TRIM37: variants seen among roughly 807,000 people sequenced by gnomAD.
The protein encoded by TRIM37 is tripartite motif containing 37.
Under a neutral mutation model 129.8 loss-of-function variants are expected in TRIM37, and 80 were observed. That is an observed-to-expected ratio of 0.62 (90% CI 0.51 to 0.74). The LOEUF (loss-of-function observed/expected upper bound fraction) is 0.74. Among genes scored for constraint, TRIM37 ranks in the 30% least tolerant of loss-of-function variants. The pLI, the probability that TRIM37 is intolerant of heterozygous loss-of-function variation, is 0.00. For synonymous variants in TRIM37, 389 were observed against 387.1 expected, an observed-to-expected ratio of 1.00 and a Z score of -0.06; for missense variants, 1,054 against 1,176.5, an observed-to-expected ratio of 0.90 and a Z score of 1.52.
At chr17:59,080,245 T>G (rs985020374) in intron 6 of TRIM37, among the ~76,000 whole-genome samples, 6 of 152,224 alleles carry the variant, frequency 3.9e-5, no homozygotes, top group African/African-American at 1.4e-4. Context: ...AAAACATGCT[T>G]AGTATTTCAT....
chr17:59,101,829 C>A (rs979462396), intron 2 of TRIM37, among the ~76,000 whole-genome samples: 3 of 150,040 alleles, frequency 2.0e-5, no homozygotes, highest in Non-Finnish European at 1.5e-5. Context: ...CTCCCAGCAA[C>A]TTGAGAGGCT....
intron 17 of TRIM37, among the ~76,000 whole-genome samples, chr17:59,038,158 C>T (rs924980114): frequency 1.3e-5 from 2 of 152,118 alleles, no homozygotes; most frequent in African/African-American, 4.8e-5. Flanking sequence ...AAAGTTGTTT[C>T]CCCCTTTTGA....
At chr17:59,081,654 T>C (rs1022557354) in intron 5 of TRIM37, among the ~76,000 whole-genome samples, 6 of 152,060 alleles carry the variant, frequency 3.9e-5, no homozygotes, top group African/African-American at 1.4e-4. Context: ...ATGCCTCTAA[T>C]CCCAGTACTT....
intron 2 of TRIM37, among the ~76,000 whole-genome samples, chr17:59,100,044 C>G (rs1286727054): frequency 6.6e-6 from 1 of 152,114 alleles, no homozygotes; most frequent in African/African-American, 2.4e-5. Context: ...TCAGGTGATC[C>G]ATCCACTTCG....
chr17:58,990,914 G>A (rs936723063), intron 24 of TRIM37, among the ~76,000 whole-genome samples: 1 of 148,382 alleles, frequency 6.7e-6, no homozygotes, highest in Admixed American at 6.7e-5. Context: ...GTGGCTCACG[G>A]CTATAATCCC....
the TRIM37 span, chr17:58,969,623 G>A: frequency 1.9e-6 from 3 of 1,614,088 alleles, no homozygotes; most frequent in Non-Finnish European, 2.5e-6. Context: ...TCACCTCCAC[G>A]TTAACTTAGT....
At chr17:59,008,421 T>C (rs2034821702) in intron 22 of TRIM37, among the ~76,000 whole-genome samples, 2 of 152,260 alleles carry the variant, frequency 1.3e-5, no homozygotes, top group Admixed American at 1.3e-4. Context: ...TTGGAAAATG[T>C]ACCGATCTTC....
chr17:59,004,322 C>A, intron 22 of TRIM37, among the ~76,000 whole-genome samples: 1 of 113,696 alleles, frequency 8.8e-6, no homozygotes, highest in African/African-American at 3.5e-5. Flanking sequence ...TATAGCAGTG[C>A]TTAAAAGGAA....
At chr17:58,988,137 G>T (rs1840857978) in intron 24 of TRIM37, among the ~76,000 whole-genome samples, 1 of 152,186 alleles carries the variant, frequency 6.6e-6, no homozygotes, top group Non-Finnish European at 1.5e-5. Context: ...GAAAGAATAG[G>T]CTAGCTAAAA....
chr17:59,091,233 G>A, intron 3 of TRIM37, 67 bp downstream of exon 3: 1 of 1,250,822 alleles, frequency 8.0e-7, no homozygotes, highest in Non-Finnish European at 1.1e-6. Flanking sequence ...CTGCCTTTAT[G>A]AATCCCAAGG....
downstream of TRIM37, among the ~76,000 whole-genome samples, chr17:58,978,392 G>C (rs114086112): frequency 8.5e-3 from 1,299 of 152,040 alleles, 19 homozygotes; most frequent in African/African-American, 0.029. Context: ...CCTGTGTGTG[G>C]TTTTGTTTTT....
At position 59,106,627 on chromosome 17, in the gene TRIM37, G is replaced by A. The variant is rs2046028871; in HGVS notation, c.-166C>T. 2 of 778,180 alleles carry A rather than the reference G, an allele frequency of 2.6e-6. No individual in the cohort carries two copies. The highest frequency in any genetic ancestry group is 2.4e-5 in the Admixed American group (1 of 42,324). The allele number at this position is 778,180 out of a possible 1,614,324, so 48.2% of individuals were successfully genotyped here. ...TGCGCGCCCCATCTCTTCAGGTCCA[G>A]CGCCGCCTACCCCCATTTCGCCATT... On this transcript the variant is annotated 5_prime_UTR_variant, in exon 1 of 24. Transcript: ENST00000262294.
At chr17:59,009,447 T>C (rs867770448) in intron 22 of TRIM37, among the ~76,000 whole-genome samples, 35 of 120,590 alleles carry the variant, frequency 2.9e-4, no homozygotes, top group South Asian at 1.2e-3. Context: ...TCTTTTCTTT[T>C]TTTTTTTTTT....
In TRIM37 at chr17:59,102,812, T is replaced by G. The variant is rs1346882159; in HGVS notation, c.123+1481A>C. 3.3e-5 allele frequency among the ~76,000 whole-genome samples: 5 copies of G among 152,206 alleles called. No individual in the cohort carries two copies. The East Asian group carries it at 9.6e-4, about 29-fold the overall frequency. ...TGTGACTAGAAAAAAATTATTTAAGTGTTACGGATAATACTCTTGACAAAG... is the reference window on the plus strand; with the variant it reads ...TGTGACTAGAAAAAAATTATTTAAGGGTTACGGATAATACTCTTGACAAAG... On this transcript the variant is annotated intron_variant, in intron 2 of 23. Transcript: ENST00000262294.
intron 19 of TRIM37, among the ~76,000 whole-genome samples, chr17:59,023,482 T>A (rs919085670): frequency 6.6e-6 from 1 of 151,890 alleles, no homozygotes; most frequent in African/African-American, 2.4e-5. Flanking sequence ...TGAAACCCCG[T>A]CTCTACTAAA....
At chr17:59,009,785 T>C (rs1239182266) in intron 22 of TRIM37, among the ~76,000 whole-genome samples, 2 of 152,122 alleles carry the variant, frequency 1.3e-5, no homozygotes, top group African/African-American at 4.8e-5. Flanking sequence ...TTGGGTAAGG[T>C]AAATTACATC....
chr17:58,976,511 G>C, the TRIM37 span, among the ~76,000 whole-genome samples: 1 of 152,194 alleles, frequency 6.6e-6, no homozygotes, highest in South Asian at 2.1e-4. Context: ...ACTCAGGAAA[G>C]AAATGATACT....
intron 20 of TRIM37, among the ~76,000 whole-genome samples, chr17:59,016,263 G>A (rs779073860): frequency 5.9e-5 from 9 of 151,382 alleles, no homozygotes; most frequent in Non-Finnish European, 1.2e-4. Context: ...GCGTGGTGGC[G>A]TGCACTTGTA....
rs146140916 is a variant in TRIM37, at chr17:58,998,288, G to A, written c.*1089C>T. The A allele has an allele frequency of 1.0e-6, 1 of 985,420 alleles. No homozygotes were observed. The highest frequency in any genetic ancestry group is 1.2e-6 in the Non-Finnish European group (1 of 829,900). 61.0% of individuals were successfully genotyped at this position (985,420 alleles called of 1,614,324 possible). On this transcript the variant is annotated 3_prime_UTR_variant, in exon 24 of 24. Coordinates refer to ENST00000262294, the MANE Select transcript of TRIM37 (RefSeq NM_015294.6). ...AGTCACAGCATTCAGCAAGACATCA[G>A]ACACGGAAGAGTGAACAATATTCAC...
Sources: allele counts gnomAD v4.1 joint callset (sites outside exome capture counted in the v4.1 genomes callset), GRCh38; gene constraint gnomAD v4.1.1; transcripts MANE v1.5; gene names NCBI Gene and HGNC (gene_info 2026-07-23, HGNC 2026-07-21).